The following CAP2 variants were observed in gnomAD, a reference collection of about 807,000 sequenced individuals.
CAP2 encodes adenylyl cyclase-associated protein 2.
In CAP2, 24 loss-of-function variants were observed where a neutral mutation model predicts 57.7. The ratio of observed to expected loss-of-function variants is 0.42; its 90% CI spans 0.30 to 0.58. CAP2 has a LOEUF of 0.58. Among genes scored for constraint, CAP2 ranks in the 20% least tolerant of loss-of-function variants. The pLI, the probability that CAP2 is intolerant of heterozygous loss-of-function variation, is 0.22. For synonymous variants in CAP2, 194 were observed against 207.2 expected (o/e 0.94, Z 0.55); for missense variants, 501 against 590.3 (o/e 0.85, Z 1.57).
chr6:17,549,000 A>T (rs920862413), intron 11 of CAP2, among the ~76,000 whole-genome samples: 1 of 152,254 alleles, frequency 6.6e-6, no homozygotes, highest in African/African-American at 2.4e-5. Flanking sequence ...CAAAAAGCAC[A>T]AACCATAAAG....
chr6:17,534,985 A>G (rs1167998387), intron 7 of CAP2, among the ~76,000 whole-genome samples: 1 of 152,142 alleles, frequency 6.6e-6, no homozygotes, highest in Admixed American at 6.5e-5. Flanking sequence ...AGTTTCTAGA[A>G]GCAGGGCACA....
intron 1 of CAP2, among the ~76,000 whole-genome samples, chr6:17,417,046 C>G (rs1759296465): frequency 6.6e-6 from 1 of 151,754 alleles, no homozygotes; most frequent in Admixed American, 6.6e-5. Flanking sequence ...CTGCAGTGAG[C>G]TGTGATTGTG....
intron 3 of CAP2, among the ~76,000 whole-genome samples, chr6:17,433,357 C>T (rs558050372): frequency 6.6e-5 from 10 of 152,338 alleles, no homozygotes; most frequent in African/African-American, 1.9e-4. Flanking sequence ...TAGGCCTCCA[C>T]GTTTCTGTGC....
At chr6:17,411,555 C>T (rs73367853) in intron 1 of CAP2, among the ~76,000 whole-genome samples, 4,787 of 152,278 alleles carry the variant, frequency 0.031, 259 homozygotes, top group African/African-American at 0.11. Context: ...ATGTTGAGCC[C>T]TTTCACATGT....
chr6:17,403,347 C>T (rs1042194459), intron 1 of CAP2, among the ~76,000 whole-genome samples: 9 of 152,250 alleles, frequency 5.9e-5, no homozygotes, highest in African/African-American at 2.2e-4. Context: ...AGGTGATCCG[C>T]CTGCCTTGGC....
At chr6:17,417,494 A>G (rs1023473509) in intron 1 of CAP2, among the ~76,000 whole-genome samples, 1 of 152,042 alleles carries the variant, frequency 6.6e-6, no homozygotes, top group African/African-American at 2.4e-5. Context: ...AGGCTGGTCT[A>G]GAACTCTTGG....
At chr6:17,529,484 A>C (rs985715840) in intron 7 of CAP2, among the ~76,000 whole-genome samples, 2 of 152,068 alleles carry the variant, frequency 1.3e-5, no homozygotes, top group East Asian at 3.9e-4. Flanking sequence ...TACTAAAAAT[A>C]CAAAAAACTA....
intron 4 of CAP2, among the ~76,000 whole-genome samples, chr6:17,466,856 T>C (rs1162477790): frequency 2.0e-5 from 3 of 152,176 alleles, no homozygotes; most frequent in Non-Finnish European, 4.4e-5. Flanking sequence ...ATCTTAGTGA[T>C]GGACAACTGC....
rs184795421 is a variant in CAP2, at chr6:17,553,644, A to C, written c.1350+2040A>C. On this transcript the variant is annotated intron_variant, in intron 12 of 12. Transcript: ENST00000229922. ...CAAGACTCCATCTCAAAAAAAAAAA[A>C]AAAACAAGATCTTGCCTCTTACAGG... Among the ~76,000 whole-genome samples, 15 of 151,994 alleles carry C rather than the reference A, an allele frequency of 9.9e-5. No homozygotes were observed. The East Asian group carries it at 2.9e-3, about 30-fold the overall frequency.
intron 7 of CAP2, among the ~76,000 whole-genome samples, chr6:17,535,528 C>T (rs1463156107): frequency 1.3e-5 from 2 of 151,780 alleles, no homozygotes; most frequent in Non-Finnish European, 2.9e-5. Flanking sequence ...TCTGCCTCGG[C>T]CTCCCAAAGT....
At chr6:17,542,068 A>G (rs1256763239) in intron 9 of CAP2, among the ~76,000 whole-genome samples, 1 of 152,104 alleles carries the variant, frequency 6.6e-6, no homozygotes. Context: ...AAAAATCTGT[A>G]CCCTTAACCA....
At chr6:17,478,698 A>G (rs1761216648) in intron 4 of CAP2, among the ~76,000 whole-genome samples, 1 of 152,170 alleles carries the variant, frequency 6.6e-6, no homozygotes, top group Non-Finnish European at 1.5e-5. Flanking sequence ...CTTTACTGCC[A>G]GCCTTCTTAG....
chr6:17,503,984 T>TA (rs1428152612), intron 4 of CAP2, among the ~76,000 whole-genome samples: 5 of 152,230 alleles, frequency 3.3e-5, no homozygotes, highest in Non-Finnish European at 7.3e-5. Flanking sequence ...AATGGATAGC[T>TA]AAAAAGTCCA....
At chr6:17,514,994 T>A (rs1436015256) in intron 7 of CAP2, among the ~76,000 whole-genome samples, 3 of 152,018 alleles carry the variant, frequency 2.0e-5, no homozygotes, top group Non-Finnish European at 4.4e-5. Flanking sequence ...GGTCAGGAGT[T>A]CGAGACCAGC....
At chr6:17,459,687 C>T (rs1259326491) in intron 3 of CAP2, among the ~76,000 whole-genome samples, 2 of 151,954 alleles carry the variant, frequency 1.3e-5, no homozygotes. Context: ...AATTTAAAGT[C>T]TGACAAATCA....
intron 4 of CAP2, among the ~76,000 whole-genome samples, chr6:17,482,184 A>G (rs1761304836): frequency 6.6e-6 from 1 of 152,198 alleles, no homozygotes; most frequent in South Asian, 2.1e-4. Context: ...ACACAAAGTT[A>G]GTGGCTTAAA....
At chr6:17,481,798 C>G (rs1761293712) in intron 4 of CAP2, among the ~76,000 whole-genome samples, 1 of 152,206 alleles carries the variant, frequency 6.6e-6, no homozygotes, top group Non-Finnish European at 1.5e-5. Context: ...CTTGTCATAG[C>G]TTTTCCACCC....
chr6:17,451,567 TG>T (rs1200950527), intron 3 of CAP2, among the ~76,000 whole-genome samples: 17 of 152,136 alleles, frequency 1.1e-4, no homozygotes, highest in African/African-American at 3.6e-4. Flanking sequence ...TGGAGTGCAG[TG>T]GTGTGATCTC....
chr6:17,401,988 A>G (rs1449768679), intron 1 of CAP2, among the ~76,000 whole-genome samples: 1 of 152,210 alleles, frequency 6.6e-6, no homozygotes, highest in Non-Finnish European at 1.5e-5. Context: ...TATATAATAT[A>G]TAATTGGGGA....
Sources: allele counts gnomAD v4.1 joint callset (sites outside exome capture counted in the v4.1 genomes callset), GRCh38; gene constraint gnomAD v4.1.1; transcripts MANE v1.5; gene names NCBI Gene and HGNC (gene_info 2026-07-23, HGNC 2026-07-21).